Variants in XAF1 observed in about 807,000 individuals in gnomAD.
XAF1 encodes XIAP-associated factor 1.
XAF1 carries 32 observed loss-of-function variants against 32.3 expected under a neutral mutation model. The observed-to-expected ratio is 0.99, with a 90% CI of 0.75 to 1.33. XAF1 has a LOEUF of 1.33. Among genes scored for constraint, XAF1 ranks in the 40% most tolerant of loss-of-function variants. XAF1 has a pLI of 0.00. For synonymous variants in XAF1, 120 were observed against 125.9 expected (o/e 0.95, Z 0.31); for missense variants, 379 against 366.0 (o/e 1.04, Z -0.29).
At chr17:6,765,436 A>C (rs1179546893) in intron 5 of XAF1, among the ~76,000 whole-genome samples, 1 of 152,192 alleles carries the variant, frequency 6.6e-6, no homozygotes, top group Non-Finnish European at 1.5e-5. Flanking sequence ...ATAAATAAAA[A>C]TTTAAAAATT....
At chr17:6,755,939 T>G, upstream of XAF1, 1 of 1,542,224 alleles carries the variant, frequency 6.5e-7, no homozygotes, top group Non-Finnish European at 8.7e-7. Flanking sequence ...GCCTCAGGAA[T>G]CAAGGGGAAC....
intron 6 of XAF1, among the ~76,000 whole-genome samples, chr17:6,772,433 C>CTT (rs1256555389): frequency 8.6e-6 from 1 of 116,248 alleles, no homozygotes; most frequent in African/African-American, 3.1e-5. Flanking sequence ...CATTTTTTCA[C>CTT]TTTTTTTTTT....
At chr17:6,770,507 T>C in intron 5 of XAF1, 136 bp from the exon 6 acceptor site, 2 of 717,460 alleles carry the variant, frequency 2.8e-6, no homozygotes, top group Non-Finnish European at 4.3e-6. Flanking sequence ...AGCTATTAAA[T>C]TGAATGTCTG....
At position 6,775,561 on chromosome 17, in the gene XAF1, C is replaced by G. The variant is rs368914217; in HGVS notation, c.*2392C>G. 2 of 152,352 alleles carry G rather than the reference C, an allele frequency of 1.3e-5. No individual in the cohort carries two copies. The highest frequency in any genetic ancestry group is 1.9e-4 in the East Asian group (1 of 5,184). The allele number at this position is 152,352 out of a possible 1,614,324, so 9.4% of individuals were successfully genotyped here. On this transcript the variant is annotated 3_prime_UTR_variant, in exon 7 of 7. Transcript: ENST00000361842. ...TTGTCTGAAAATTCTGATTAAGCCT[C>G]TGGGCCCTACAGCCTGGAGAACCTG... is the stretch of plus-strand genomic sequence containing the variant.
intron 4 of XAF1, 37 bp downstream of exon 4, chr17:6,760,638 AAGG>A: frequency 6.3e-7 from 1 of 1,581,458 alleles, no homozygotes; most frequent in Non-Finnish European, 8.6e-7. Flanking sequence ...GAGACGTTCC[AAGG>A]GCCAGAGCCT....
chr17:6,766,909 TTCTGATTCCCAAATCTCAGGTCTCA>T (rs1249131728), intron 5 of XAF1, among the ~76,000 whole-genome samples: 1 of 152,174 alleles, frequency 6.6e-6, no homozygotes, highest in Non-Finnish European at 1.5e-5. Context: ...ACGGTTGGAG[TTCTGATTCCCAAATCTCAGGTCTCA>T]TCTTTCTCTT....
Position 6,770,888 on chromosome 17 carries a change from C to T in XAF1, c.753C>T (p.Thr251=). 6.2e-7 allele frequency: 1 copy of T among 1,614,104 alleles called. No homozygotes were observed. Among genetic ancestry groups the T allele is most frequent in the Non-Finnish European group, 8.5e-7 (1 of 1,180,016 alleles). ...PLLMSEPKPR[T]SSPRGDKAAY... is the part of the protein sequence containing the mutation. ...TGATGTCAGAGCCCAAGCCCAGGAC[C>T]AGCTCCCCTAGAGGAGATAAAGCAG... The change falls in exon 6 of 7, where the codon ACC becomes ACT. Residue 251 remains threonine, a synonymous_variant. Transcript: ENST00000361842.
rs1038301383 is a variant in XAF1 at position 6,773,853 on chromosome 17, A to C, written c.*684A>C. 6.6e-6 allele frequency: 1 copy of C among 152,212 alleles called. No individual in the cohort carries two copies. The highest frequency in any genetic ancestry group is 1.5e-5 in the Non-Finnish European group (1 of 68,042). 9.4% of individuals were successfully genotyped at this position (152,212 alleles called of 1,614,324 possible). A position where few individuals can be genotyped will look rare whatever the true frequency, so the allele number is the denominator to read the frequency against. ...GGAATACAGCTAACCAGGGAGATGA[A>C]AGATCTCTACAACAAAAATTACAAA... On this transcript the variant is annotated 3_prime_UTR_variant, in exon 7 of 7. Transcript: ENST00000361842.
intron 2 of XAF1, 198 bp downstream of exon 2, chr17:6,758,422 T>C: frequency 1.3e-6 from 1 of 781,352 alleles, no homozygotes; most frequent in Non-Finnish European, 2.0e-6. Context: ...GAGTGTTCAG[T>C]CCTCTCTGCA....
Position 6,756,095 on chromosome 17 carries a change from C to CG in XAF1, c.19dup (p.Val7GlyfsTer6). 1 of 1,613,946 alleles carries CG rather than the reference C, an allele frequency of 6.2e-7. No individual in the cohort carries two copies. Among genetic ancestry groups the CG allele is most frequent in the Non-Finnish European group, 8.5e-7 (1 of 1,179,980 alleles). On this transcript the variant is annotated frameshift_variant, in exon 1 of 7. Transcript: ENST00000361842. LOFTEE classifies it high-confidence loss of function. ...GAGCAGAACATGGAAGGAGACTTCTCGGTGTGCAGGAACTGGTAAGAAAGT... is the reference window on the plus strand; with the variant it reads ...GAGCAGAACATGGAAGGAGACTTCTCGGGTGTGCAGGAACTGGTAAGAAAGT...
At chr17:6,756,133 G>A (rs762496918) in intron 1 of XAF1, 23 bp downstream of exon 1, 41 of 1,613,862 alleles carry the variant, frequency 2.5e-5, no homozygotes, top group East Asian at 6.7e-5. Context: ...TTTCTCCAGC[G>A]GCAGACCCGG....
At chr17:6,759,996 G>A (rs1259589112) in intron 3 of XAF1, 32 of 573,104 alleles carry the variant, frequency 5.6e-5, no homozygotes, top group Non-Finnish European at 8.0e-5. Context: ...CTGCTTTCTC[G>A]TATTGGCCCT....
chr17:6,765,763 G>A (rs1297342861), intron 5 of XAF1, among the ~76,000 whole-genome samples: 1 of 152,096 alleles, frequency 6.6e-6, no homozygotes, highest in African/African-American at 2.4e-5. Flanking sequence ...TCTCCTAAAC[G>A]GTCTTCCTAC....
Position 6,773,235 on chromosome 17 carries a change from C to T in XAF1, c.*66C>T, listed in dbSNP as rs1976192102. The T allele has an allele frequency of 2.8e-6, 4 of 1,426,662 alleles. No individual in the cohort carries two copies. Among genetic ancestry groups the T allele is most frequent in the African/African-American group, 2.9e-5 (2 of 68,950 alleles). The allele number at this position is 1,426,662 out of a possible 1,614,324, so 88.4% of individuals were successfully genotyped here. A position where few individuals can be genotyped will look rare whatever the true frequency, so the allele number is the denominator to read the frequency against. Reference sequence around the variant, plus strand: ...CTTTTAACACTGGCATTCCTGCCTACTTGCTGTGGTGGTCTTGTGAAAGGT... The same window carrying T: ...CTTTTAACACTGGCATTCCTGCCTATTTGCTGTGGTGGTCTTGTGAAAGGT... On this transcript the variant is annotated 3_prime_UTR_variant, in exon 7 of 7. Transcript: ENST00000361842.
intron 6 of XAF1, chr17:6,771,394 AGTTG>A (rs1976024102): frequency 6.4e-6 from 1 of 155,674 alleles, no homozygotes; most frequent in Admixed American, 6.4e-5. Flanking sequence ...ATCCTAAGCC[AGTTG>A]GTGGTGGCTT....
At chr17:6,759,344 G>A (rs1974985542) in intron 2 of XAF1, 1 of 1,311,220 alleles carries the variant, frequency 7.6e-7, no homozygotes, top group African/African-American at 1.5e-5. Context: ...TGTGAAAAAG[G>A]AAGGTCCTGG....
chr17:6,758,340 G>A, intron 2 of XAF1, 116 bp downstream of exon 2: 2 of 1,465,526 alleles, frequency 1.4e-6, no homozygotes, highest in African/African-American at 1.4e-5. Flanking sequence ...CCCTGCAGGT[G>A]AGATGGGGTC....
rs910383341 is a variant in XAF1, at chr17:6,756,180, T to C, written c.32+70T>C. ...AGAGACGTAGACGACATAGGGCTGT[T>C]TCTGAAGGGAGCAGAAAGTGGTTCC... On this transcript the variant is annotated intron_variant, in intron 1 of 6. Coordinates refer to ENST00000361842, the MANE Select transcript of XAF1 (RefSeq NM_017523.5). The C allele has an allele frequency of 8.7e-6, 14 of 1,611,688 alleles. No homozygotes were observed. In the African/African-American group the frequency reaches 9.4e-5, roughly 11 times the overall value.
intron 2 of XAF1, chr17:6,758,854 C>G (rs1974942925): frequency 4.6e-6 from 1 of 218,110 alleles, no homozygotes; most frequent in Non-Finnish European, 9.5e-6. Flanking sequence ...GTTCCATCTT[C>G]CCTGCAGGAG....
Sources: allele counts gnomAD v4.1 joint callset (sites outside exome capture counted in the v4.1 genomes callset), GRCh38; gene constraint gnomAD v4.1.1; transcripts MANE v1.5; gene names NCBI Gene and HGNC (gene_info 2026-07-23, HGNC 2026-07-21).